Variants in SLC22A23 observed in about 807,000 individuals in gnomAD.
SLC22A23 encodes the protein solute carrier family 22 member 23, also known as ion transporter protein.
Under a neutral mutation model 61.0 loss-of-function variants are expected in SLC22A23, and 26 were observed. That is an observed-to-expected ratio of 0.43 (90% CI 0.31 to 0.59). The LOEUF is 0.59. Ranked by LOEUF, SLC22A23 falls within the 20% of genes least tolerant of loss-of-function variation. SLC22A23 has a pLI of 0.11. For synonymous variants in SLC22A23, 430 were observed against 413.9 expected (o/e 1.04, Z -0.47); for missense variants, 796 against 934.7 (o/e 0.85, Z 1.94).
intron 1 of SLC22A23, among the ~76,000 whole-genome samples, chr6:3,434,328 A>ATAAATAAG (rs1412120171): frequency 6.6e-6 from 1 of 151,326 alleles, no homozygotes; most frequent in Non-Finnish European, 1.5e-5. Context: ...AAATAAATAA[A>ATAAATAAG]TAAAGAGCTG....
chr6:3,309,544 G>T lies in SLC22A23; in HGVS notation c.1083-11326C>A, dbSNP rs930035970. Among the ~76,000 whole-genome samples the T allele has an allele frequency of 6.6e-6, 1 of 151,920 alleles. No individual in the cohort carries two copies. The highest frequency in any genetic ancestry group is 6.6e-5 in the Admixed American group (1 of 15,210). The stretch of plus-strand genomic sequence containing the variant: ...AGGACTGTGGGCTGACAAGCAGGTG[G>T]CACCTGACCATAATAAGGACTGTGG... On this transcript the variant is annotated intron_variant, in intron 4 of 9. Coordinates refer to ENST00000406686, the MANE Select transcript of SLC22A23 (RefSeq NM_015482.2). The surrounding 1 kb of genome is among the most constrained non-coding windows in gnomAD (Gnocchi z 4.7).
intron 5 of SLC22A23, among the ~76,000 whole-genome samples, chr6:3,296,482 C>A (rs1175283527): frequency 6.6e-6 from 1 of 152,200 alleles, no homozygotes; most frequent in African/African-American, 2.4e-5. Flanking sequence ...AGAAATAATA[C>A]ACGTGAAGCA....
intron 3 of SLC22A23, among the ~76,000 whole-genome samples, chr6:3,352,433 A>T (rs907084249): frequency 2.0e-5 from 3 of 152,120 alleles, no homozygotes; most frequent in Non-Finnish European, 4.4e-5. Flanking sequence ...GCATGCACAG[A>T]CACACACAGA....
At chr6:3,274,504 C>T (rs1014785725) in intron 9 of SLC22A23, among the ~76,000 whole-genome samples, 18 of 152,154 alleles carry the variant, frequency 1.2e-4, no homozygotes, top group African/African-American at 4.3e-4. Context: ...GTGAAGAGGG[C>T]TGTATCCTTT....
chr6:3,354,798 T>C (rs1366132033), intron 3 of SLC22A23, among the ~76,000 whole-genome samples: 1 of 152,212 alleles, frequency 6.6e-6, no homozygotes, highest in Non-Finnish European at 1.5e-5. Flanking sequence ...CAAGTAGCCA[T>C]GTAATGGGTT....
intron 3 of SLC22A23, among the ~76,000 whole-genome samples, chr6:3,405,820 C>T (rs937391675): frequency 6.6e-6 from 1 of 152,062 alleles, no homozygotes; most frequent in Non-Finnish European, 1.5e-5. Context: ...GGATCAGCAC[C>T]CCACCCAGAG....
chr6:3,442,816 T>A (rs888705709), intron 1 of SLC22A23, among the ~76,000 whole-genome samples: 4 of 147,154 alleles, frequency 2.7e-5, no homozygotes, highest in Non-Finnish European at 4.5e-5. Context: ...CCACTTTATT[T>A]AAAAAAAAAA....
chr6:3,396,173 G>C (rs1486844100), intron 3 of SLC22A23, among the ~76,000 whole-genome samples: 1 of 152,136 alleles, frequency 6.6e-6, no homozygotes, highest in South Asian at 2.1e-4. Context: ...GGTAGAGGAG[G>C]GCATGGTCCC....
chr6:3,350,838 G>C (rs540423803), intron 3 of SLC22A23, among the ~76,000 whole-genome samples: 1 of 152,246 alleles, frequency 6.6e-6, no homozygotes, highest in South Asian at 2.1e-4. Flanking sequence ...GGAATTTCTT[G>C]GTGGTAATGG....
In SLC22A23 at chr6:3,298,230, C is replaced by T. The variant is rs201137122; in HGVS notation, c.1083-12G>A. On this transcript the variant is annotated splice_polypyrimidine_tract_variant and intron_variant, in intron 4 of 9. Coordinates refer to ENST00000406686, the MANE Select transcript of SLC22A23 (RefSeq NM_015482.2). ...ACTCGGGGAATATCCTTTAAAGACA[C>T]AAAGGGGATCAGTGAATGTCTTCCG... 129 of 1,589,538 alleles carry T rather than the reference C, an allele frequency of 8.1e-5. No individual in the cohort carries two copies. The highest frequency in any genetic ancestry group is 1.5e-5 in the Non-Finnish European group (17 of 1,170,464).
rs151249386 is a variant in SLC22A23, at chr6:3,279,064, T to G, written c.1703+4788A>C. Among the ~76,000 whole-genome samples the G allele has an allele frequency of 8.8e-4, 134 of 152,332 alleles. 1 individual carries two copies. The Middle Eastern group carries it at 0.01, about 12-fold the overall frequency. ...GATCTATCTTGTTAACTGTGCCAAATAAAATGAAATATATTTAATTTGCAG... is the reference window on the plus strand; with the variant it reads ...GATCTATCTTGTTAACTGTGCCAAAGAAAATGAAATATATTTAATTTGCAG... On this transcript the variant is annotated intron_variant, in intron 9 of 9. Coordinates refer to ENST00000406686, the MANE Select transcript of SLC22A23 (RefSeq NM_015482.2).
chr6:3,397,606 C>G (rs973898617), intron 3 of SLC22A23, among the ~76,000 whole-genome samples: 7 of 152,214 alleles, frequency 4.6e-5, no homozygotes, highest in African/African-American at 1.7e-4. Flanking sequence ...ATGTATAACT[C>G]AGCATAGTTT....
rs903640254 is a variant in SLC22A23 at position 3,269,544 on chromosome 6, C to G, written c.*3511G>C. The G allele has an allele frequency of 3.5e-4, 53 of 152,848 alleles. No homozygotes were observed. The highest frequency in any genetic ancestry group is 1.3e-3 in the African/African-American group (53 of 41,468). The allele number at this position is 152,848 out of a possible 1,614,324, so 9.5% of individuals were successfully genotyped here. A position where few individuals can be genotyped will look rare whatever the true frequency, so the allele number is the denominator to read the frequency against. ...CAACAGATGCGACACCATGCAGACACGCAGCTGTGAACGACAGTTCAGAAC... is the reference window on the plus strand; with the variant it reads ...CAACAGATGCGACACCATGCAGACAGGCAGCTGTGAACGACAGTTCAGAAC... On this transcript the variant is annotated 3_prime_UTR_variant, in exon 10 of 10. Coordinates refer to ENST00000406686, the MANE Select transcript of SLC22A23 (RefSeq NM_015482.2).
rs1279559979 is a variant in SLC22A23, at chr6:3,390,623, T to TACAC, written c.913+19561_913+19564dup. 6.6e-6 allele frequency among the ~76,000 whole-genome samples: 1 copy of TACAC among 152,190 alleles called. No homozygotes were observed. The highest frequency in any genetic ancestry group is 2.4e-5 in the African/African-American group (1 of 41,430). On this transcript the variant is annotated intron_variant, in intron 3 of 9. Transcript: ENST00000406686. This position sits in a 1 kb window ranked among gnomAD's most constrained non-coding sequence, Gnocchi z 4.0. Reference sequence around the variant, plus strand: ...CTAAGAATAACCTAATGCAGAGATGTACACACTGGGGCCACTATGGTTCTA... The same window carrying TACAC: ...CTAAGAATAACCTAATGCAGAGATGTACACACACACTGGGGCCACTATGGTTCTA...
intron 3 of SLC22A23, among the ~76,000 whole-genome samples, chr6:3,336,667 A>G (rs1472773589): frequency 6.6e-6 from 1 of 152,262 alleles, no homozygotes; most frequent in Non-Finnish European, 1.5e-5. Flanking sequence ...AGCACTTACC[A>G]GAGGCTCAAC....
intron 3 of SLC22A23, among the ~76,000 whole-genome samples, chr6:3,355,183 G>C (rs1764995933): frequency 6.8e-6 from 1 of 146,310 alleles, no homozygotes; most frequent in South Asian, 2.2e-4. Context: ...ACCCTCCCCA[G>C]CTAAAAAAAA....
chr6:3,280,511 T>TCC (rs1561860478), intron 9 of SLC22A23, among the ~76,000 whole-genome samples: 1 of 30,254 alleles, frequency 3.3e-5, no homozygotes, highest in Admixed American at 4.7e-4. Context: ...TTTTTTTTTT[T>TCC]TTGAGATGGA....
At chr6:3,382,360 C>T (rs952198802) in intron 3 of SLC22A23, among the ~76,000 whole-genome samples, 1 of 152,244 alleles carries the variant, frequency 6.6e-6, no homozygotes, top group Non-Finnish European at 1.5e-5. Flanking sequence ...GTTTACAATG[C>T]ATAACATACT....
intron 3 of SLC22A23, among the ~76,000 whole-genome samples, chr6:3,379,331 C>CT (rs1766804454): frequency 6.6e-6 from 1 of 152,184 alleles, no homozygotes; most frequent in African/African-American, 2.4e-5. Flanking sequence ...AATGGTCTAT[C>CT]TTTTTAATGA....
Sources: allele counts gnomAD v4.1 joint callset (sites outside exome capture counted in the v4.1 genomes callset), GRCh38; gene constraint gnomAD v4.1.1; non-coding constraint Gnocchi (gnomAD v3.1); transcripts MANE v1.5; gene names NCBI Gene and HGNC (gene_info 2026-07-23, HGNC 2026-07-21).